Variants in LHFPL2 observed in about 807,000 individuals in gnomAD.
LHFPL2 encodes the protein LHFPL tetraspan subfamily member 2 protein.
Under a neutral mutation model 17.5 loss-of-function variants are expected in LHFPL2, and 7 were observed. The observed-to-expected ratio is 0.40, with a 90% CI of 0.23 to 0.75. The LOEUF (loss-of-function observed/expected upper bound fraction) is 0.75, where lower values mean the gene tolerates loss of function less well. Among genes scored for constraint, LHFPL2 ranks in the 30% least tolerant of loss-of-function variants. The pLI, the probability that LHFPL2 is intolerant of heterozygous loss-of-function variation, is 0.37. For synonymous variants in LHFPL2, 134 were observed against 116.2 expected (o/e 1.15, Z -0.99); for missense variants, 241 against 294.8 (o/e 0.82, Z 1.34).
At chr5:78,601,226 C>G (rs1360585167) in intron 2 of LHFPL2, among the ~76,000 whole-genome samples, 1 of 152,168 alleles carries the variant, frequency 6.6e-6, no homozygotes, top group Non-Finnish European at 1.5e-5. Context: ...AATATTTGGA[C>G]CCTTGACTTC....
intron 2 of LHFPL2, 53 bp downstream of exon 2, chr5:78,632,211 C>T (rs1369837374): frequency 6.6e-6 from 1 of 152,122 alleles, no homozygotes; most frequent in Non-Finnish European, 1.5e-5. Flanking sequence ...TGAATGAGAA[C>T]ATCGGGTGGT....
intron 2 of LHFPL2, among the ~76,000 whole-genome samples, chr5:78,601,481 C>T (rs755239925): frequency 1.3e-5 from 2 of 152,112 alleles, no homozygotes; most frequent in African/African-American, 2.4e-5. Flanking sequence ...GGTGAAGGGT[C>T]CCTGTAAGTT....
chr5:78,646,823 T>C (rs2112536054), intron 1 of LHFPL2, among the ~76,000 whole-genome samples: 1 of 152,334 alleles, frequency 6.6e-6, no homozygotes, highest in Middle Eastern at 3.4e-3. Flanking sequence ...ACAAAAATCC[T>C]TCTTCCTTCC....
At chr5:78,542,566 C>T (rs1273525226) in intron 3 of LHFPL2, among the ~76,000 whole-genome samples, 2 of 152,114 alleles carry the variant, frequency 1.3e-5, no homozygotes, top group Non-Finnish European at 2.9e-5. Context: ...ACCTCCACGC[C>T]GTGCTCATGC....
chr5:78,539,058 C>T (rs1048892019), intron 3 of LHFPL2, among the ~76,000 whole-genome samples: 1 of 152,180 alleles, frequency 6.6e-6, no homozygotes, highest in Non-Finnish European at 1.5e-5. Flanking sequence ...AAATCCCCCA[C>T]AAAATGGTAT....
intron 4 of LHFPL2, among the ~76,000 whole-genome samples, chr5:78,498,929 G>T (rs1028516715): frequency 5.3e-5 from 8 of 152,290 alleles, no homozygotes; most frequent in Middle Eastern, 3.4e-3. Flanking sequence ...CCTGAACTAC[G>T]ATTCCACTGG....
intron 2 of LHFPL2, among the ~76,000 whole-genome samples, chr5:78,598,276 G>T (rs1416856723): frequency 6.6e-6 from 1 of 152,202 alleles, no homozygotes; most frequent in African/African-American, 2.4e-5. Flanking sequence ...TGTGAAACTG[G>T]TTTTTGCAAT....
chr5:78,488,547 G>A lies in LHFPL2; in HGVS notation c.*350C>T, dbSNP rs1310998707. 6 of 272,368 alleles carry A rather than the reference G, an allele frequency of 2.2e-5. No homozygotes were observed. In the East Asian group the frequency reaches 5.0e-4, roughly 23 times the overall value. The allele number at this position is 272,368 out of a possible 1,614,324, so 16.9% of individuals were successfully genotyped here. Reference sequence around the variant, plus strand: ...AGCAGTGTTGGAGCAGAAACAGCCTGCAGATCTGGCGGACGGTCTCTTCCG... The same window carrying A: ...AGCAGTGTTGGAGCAGAAACAGCCTACAGATCTGGCGGACGGTCTCTTCCG... On this transcript the variant is annotated 3_prime_UTR_variant, in exon 5 of 5. Coordinates refer to ENST00000380345, the MANE Select transcript of LHFPL2 (RefSeq NM_005779.3).
At chr5:78,497,605 A>G (rs548633978) in intron 4 of LHFPL2, among the ~76,000 whole-genome samples, 4 of 152,362 alleles carry the variant, frequency 2.6e-5, no homozygotes, top group African/African-American at 9.6e-5. Flanking sequence ...GGATGAATGA[A>G]AAGATAAGGT....
chr5:78,549,826 C>T (rs951409055), intron 3 of LHFPL2, among the ~76,000 whole-genome samples: 3 of 152,186 alleles, frequency 2.0e-5, no homozygotes, highest in African/African-American at 7.2e-5. Flanking sequence ...GTGGAAGTAG[C>T]ACACAATATG....
rs138995749 is a variant in LHFPL2, at chr5:78,572,498, G to GTA, written c.-244-7629_-244-7628dup. 2.6e-3 allele frequency among the ~76,000 whole-genome samples: 380 copies of GTA among 147,016 alleles called. 1 individual carries two copies. The highest frequency in any genetic ancestry group is 8.1e-3 in the African/African-American group (322 of 39,562). ...TATATATATGTGTATATATATGTGT[G>GTA]TATATATATATATACACACACATAT... On this transcript the variant is annotated intron_variant, in intron 2 of 4. Coordinates refer to ENST00000380345, the MANE Select transcript of LHFPL2 (RefSeq NM_005779.3).
chr5:78,512,077 G>A (rs1053656961), intron 3 of LHFPL2, among the ~76,000 whole-genome samples: 2 of 152,154 alleles, frequency 1.3e-5, no homozygotes, highest in African/African-American at 2.4e-5. Context: ...GTGCCTGGCA[G>A]AGTAAGTGCT....
Position 78,510,403 on chromosome 5 carries a change from G to C in LHFPL2, c.-185-5C>G, listed in dbSNP as rs1755077770. Reference sequence around the variant, plus strand: ...GAGCACCGCCTGCGGCCTCACCTAGGGGAGAGGGAGGGCGGTTAGCAGCGC... The same window carrying C: ...GAGCACCGCCTGCGGCCTCACCTAGCGGAGAGGGAGGGCGGTTAGCAGCGC... On this transcript the variant is annotated splice_polypyrimidine_tract_variant and splice_region_variant and intron_variant, in intron 3 of 4. Coordinates refer to ENST00000380345, the MANE Select transcript of LHFPL2 (RefSeq NM_005779.3). The C allele has an allele frequency of 1.7e-6, 1 of 587,794 alleles. No homozygotes were observed. Among genetic ancestry groups the C allele is most frequent in the Non-Finnish European group, 2.9e-6 (1 of 345,272 alleles). 36.4% of individuals were successfully genotyped at this position (587,794 alleles called of 1,614,324 possible).
At chr5:78,494,701 C>T (rs561571138) in intron 4 of LHFPL2, among the ~76,000 whole-genome samples, 7 of 152,296 alleles carry the variant, frequency 4.6e-5, no homozygotes, top group East Asian at 1.9e-4. Context: ...GCCATCCCAG[C>T]GCAGCACCTG....
intron 3 of LHFPL2, among the ~76,000 whole-genome samples, chr5:78,514,365 A>T (rs937295833): frequency 3.3e-5 from 5 of 151,860 alleles, no homozygotes; most frequent in Admixed American, 6.6e-5. Context: ...CTTAAAAAAA[A>T]AAAAAAGACA....
intron 1 of LHFPL2, among the ~76,000 whole-genome samples, chr5:78,634,354 T>G (rs1224908926): frequency 1.3e-5 from 2 of 152,146 alleles, no homozygotes; most frequent in Non-Finnish European, 2.9e-5. Flanking sequence ...AAGTCATGCG[T>G]GGTATGGGGG....
At chr5:78,509,096 G>A (rs1324074044) in intron 4 of LHFPL2, among the ~76,000 whole-genome samples, 1 of 152,208 alleles carries the variant, frequency 6.6e-6, no homozygotes, top group Non-Finnish European at 1.5e-5. Flanking sequence ...AAGAGCTCAT[G>A]CTTTTACTTT....
At chr5:78,608,825 G>A (rs1356064394) in intron 2 of LHFPL2, among the ~76,000 whole-genome samples, 2 of 151,968 alleles carry the variant, frequency 1.3e-5, no homozygotes, top group African/African-American at 2.4e-5. Context: ...CCAGCTACTC[G>A]GGAGGCTGAA....
intron 2 of LHFPL2, among the ~76,000 whole-genome samples, chr5:78,624,238 G>A (rs1744956273): frequency 6.6e-6 from 1 of 152,180 alleles, no homozygotes; most frequent in African/African-American, 2.4e-5. Flanking sequence ...CTTATCTCTT[G>A]ACCCACCGGG....
Sources: gnomAD v4.1 joint callset for allele counts (sites outside exome capture counted in the v4.1 genomes callset) on GRCh38, gnomAD v4.1.1 for gene constraint, MANE v1.5 for transcripts, NCBI Gene and HGNC (gene_info 2026-07-23, HGNC 2026-07-21) for gene names.